The following DIAPH2 variants were observed in gnomAD, a reference collection of about 807,000 sequenced individuals.
DIAPH2 encodes the protein diaphanous related formin 2.
A neutral mutation model predicts 92.7 loss-of-function variants in DIAPH2; 35 were observed. That is an observed-to-expected ratio of 0.38 (90% CI 0.29 to 0.50). DIAPH2 has a LOEUF of 0.50. Among genes scored for constraint, DIAPH2 ranks in the 20% least tolerant of loss-of-function variants. The probability of loss-of-function intolerance (pLI) is 0.94; values close to 1 mark genes in which losing one functional copy is unlikely to be tolerated. For missense variants in DIAPH2, 701 were observed against 819.5 expected (o/e 0.86, Z 1.77); for synonymous variants, 301 against 280.4 (o/e 1.07, Z -0.73).
intron 17 of DIAPH2, among the ~76,000 whole-genome samples, chrX:97,050,592 G>A (rs148591988): frequency 0.039 from 4,025 of 103,383 alleles, 84 homozygotes; most frequent in Middle Eastern, 0.083. Flanking sequence ...TTATTCAAAT[G>A]TGTCAGTTTT....
chrX:97,068,834 A>C (rs967522027), intron 17 of DIAPH2, among the ~76,000 whole-genome samples: 3 of 112,326 alleles, frequency 2.7e-5, no homozygotes, highest in Non-Finnish European at 3.8e-5. Context: ...TAAATATACA[A>C]ATATGTATGC....
chrX:97,468,158 T>C (rs2070530746), intron 26 of DIAPH2, among the ~76,000 whole-genome samples: 1 of 112,120 alleles, frequency 8.9e-6, no homozygotes, highest in African/African-American at 3.2e-5. Flanking sequence ...ATATCGTCCA[T>C]ACAAGAGACA....
chrX:96,769,853 C>T (rs754056182), intron 4 of DIAPH2, among the ~76,000 whole-genome samples: 3 of 111,928 alleles, frequency 2.7e-5, no homozygotes, highest in Non-Finnish European at 5.6e-5. Flanking sequence ...CGCCAGCCGG[C>T]CCTCTTCCAG....
chrX:97,292,602 A>G (rs943028217), intron 23 of DIAPH2, among the ~76,000 whole-genome samples: 2 of 102,966 alleles, frequency 1.9e-5, no homozygotes, highest in Non-Finnish European at 3.9e-5. Flanking sequence ...GCTGGAGTGC[A>G]GTGGGGCGAT....
intron 24 of DIAPH2, among the ~76,000 whole-genome samples, chrX:97,369,016 T>C (rs2069414316): frequency 9.8e-6 from 1 of 102,374 alleles, no homozygotes; most frequent in East Asian, 3.5e-4. Context: ...CAAGCGATAC[T>C]CCTGCCTTAG....
At chrX:97,224,035 G>A (rs1265687099) in intron 22 of DIAPH2, among the ~76,000 whole-genome samples, 1 of 111,594 alleles carries the variant, frequency 9.0e-6, no homozygotes, top group Non-Finnish European at 1.9e-5. Flanking sequence ...ACATGATGCT[G>A]TTTAATTTGT....
rs1481073255 is a variant in DIAPH2, at chrX:97,604,097, C to A, written c.*4780C>A. On this transcript the variant is annotated 3_prime_UTR_variant, in exon 27 of 27. Coordinates refer to ENST00000324765, the MANE Select transcript of DIAPH2 (RefSeq NM_006729.5). ...AAATTGAGGGGTTGGCAGGGCTGAA[C>A]GTCTTCTGGAGACTCTAAGGGAAAC... 1 of 111,819 alleles carries A rather than the reference C, an allele frequency of 8.9e-6. No homozygotes were observed. The highest frequency in any genetic ancestry group is 3.3e-5 in the African/African-American group (1 of 30,666). 9.2% of individuals were successfully genotyped at this position (111,819 alleles called of 1,213,427 possible). A position where few individuals can be genotyped will look rare whatever the true frequency, so the allele number is the denominator to read the frequency against.
At chrX:96,760,956 A>T (rs920454846) in intron 4 of DIAPH2, among the ~76,000 whole-genome samples, 2 of 111,417 alleles carry the variant, frequency 1.8e-5, no homozygotes, top group African/African-American at 6.5e-5. Flanking sequence ...AAGCGTAGTT[A>T]TGGATCTGAC....
intron 16 of DIAPH2, among the ~76,000 whole-genome samples, chrX:96,962,743 T>C (rs991294198): frequency 1.8e-5 from 2 of 109,032 alleles, no homozygotes; most frequent in African/African-American, 6.7e-5. Context: ...GGCAATTTAA[T>C]TGGTTTACAT....
chrX:97,536,463 T>C (rs2071096577), intron 26 of DIAPH2, among the ~76,000 whole-genome samples: 1 of 112,358 alleles, frequency 8.9e-6, no homozygotes, highest in African/African-American at 3.2e-5. Context: ...TCCTCAACAT[T>C]TTGACTAGCT....
intron 4 of DIAPH2, among the ~76,000 whole-genome samples, chrX:96,788,804 C>T (rs2064478167): frequency 8.9e-6 from 1 of 111,989 alleles, no homozygotes; most frequent in South Asian, 3.7e-4. Flanking sequence ...ACAATAGAGG[C>T]TCATTAAAAT....
At position 97,437,782 on chromosome X, in the gene DIAPH2, AC is replaced by A. The variant is rs1472422272; in HGVS notation, c.3241+8038del. On this transcript the variant is annotated intron_variant, in intron 26 of 26. Coordinates refer to ENST00000324765, the MANE Select transcript of DIAPH2 (RefSeq NM_006729.5). ...ATTTTACACACACACACACACACAC[AC>A]ACACACACACACGTAAATGAGTTTG... Among the ~76,000 whole-genome samples the A allele has an allele frequency of 3.1e-3, 340 of 110,351 alleles. 2 individuals are homozygous for A. Among genetic ancestry groups the A allele is most frequent in the Middle Eastern group, 0.024 (5 of 212 alleles).
intron 23 of DIAPH2, among the ~76,000 whole-genome samples, chrX:97,322,733 A>G (rs1055044375): frequency 9.0e-6 from 1 of 110,917 alleles, no homozygotes; most frequent in African/African-American, 3.3e-5. Context: ...CTACCACTCA[A>G]AATTTAAGTT....
chrX:96,827,966 C>T (rs1413624028), intron 4 of DIAPH2, among the ~76,000 whole-genome samples: 1 of 111,672 alleles, frequency 9.0e-6, no homozygotes, highest in African/African-American at 3.3e-5. Flanking sequence ...CACGAGGTTT[C>T]ACTATGTTGA....
intron 22 of DIAPH2, among the ~76,000 whole-genome samples, chrX:97,179,534 A>G (rs1352607738): frequency 2.7e-5 from 3 of 111,364 alleles, no homozygotes; most frequent in African/African-American, 3.3e-5. Context: ...TGCAAAGGAC[A>G]TGACCTCATT....
At chrX:97,396,439 A>C (rs1655929520) in intron 25 of DIAPH2, among the ~76,000 whole-genome samples, 1 of 110,824 alleles carries the variant, frequency 9.0e-6, no homozygotes, top group Non-Finnish European at 1.9e-5. Context: ...TGGGAGGCTG[A>C]GGCGGGCAGA....
intron 10 of DIAPH2, among the ~76,000 whole-genome samples, chrX:96,932,327 A>G (rs922192763): frequency 4.5e-5 from 5 of 110,682 alleles, no homozygotes; most frequent in South Asian, 3.8e-4. Context: ...TTGAACATTC[A>G]CTTTCTGCTT....
chrX:97,530,839 C>A (rs1377315757), intron 26 of DIAPH2, among the ~76,000 whole-genome samples: 1 of 111,714 alleles, frequency 9.0e-6, no homozygotes, highest in African/African-American at 3.3e-5. Context: ...AGGACAGTGA[C>A]AATTAGTGAA....
At chrX:97,245,581 T>G (rs2068134981) in intron 22 of DIAPH2, among the ~76,000 whole-genome samples, 1 of 109,899 alleles carries the variant, frequency 9.1e-6, no homozygotes, top group Admixed American at 9.8e-5. Context: ...CAGAGCTTAT[T>G]TTTGTATTTT....
Sources: gnomAD v4.1 joint callset for allele counts (sites outside exome capture counted in the v4.1 genomes callset) on GRCh38, gnomAD v4.1.1 for gene constraint, MANE v1.5 for transcripts, NCBI Gene and HGNC (gene_info 2026-07-23, HGNC 2026-07-21) for gene names.